GPC6: variants seen among roughly 807,000 people sequenced by gnomAD.
GPC6 encodes glypican-6.
In GPC6, 14 loss-of-function variants were observed where a neutral mutation model predicts 55.2. The observed-to-expected ratio is 0.25, with a 90% CI of 0.17 to 0.40. The LOEUF (loss-of-function observed/expected upper bound fraction) is 0.40, where lower values mean the gene tolerates loss of function less well. Ranked by LOEUF, GPC6 falls within the 10% of genes least tolerant of loss-of-function variation. The pLI is 1.00. For missense variants in GPC6, 641 were observed against 708.5 expected (o/e 0.90, Z 1.08); for synonymous variants, 278 against 259.6 (o/e 1.07, Z -0.68).
chr13:93,786,515 G>A (rs1250459416), intron 2 of GPC6, among the ~76,000 whole-genome samples: 1 of 151,398 alleles, frequency 6.6e-6, no homozygotes, highest in Non-Finnish European at 1.5e-5. Flanking sequence ...CTAATGAAAT[G>A]ACCTAAGCTA....
chr13:93,963,510 G>C (rs1045113950), intron 3 of GPC6, among the ~76,000 whole-genome samples: 1 of 152,142 alleles, frequency 6.6e-6, no homozygotes, highest in Non-Finnish European at 1.5e-5. Context: ...AGATGTTATC[G>C]ATACGTAACA....
Position 94,231,248 on chromosome 13 carries a change from T to C in GPC6, c.878-55101T>C, listed in dbSNP as rs113018725. ...CTCAGGGACCCTTGGGCTGGTGTAG[T>C]CAATCACAAGGGCTATTTGTAGAGA... On this transcript the variant is annotated intron_variant, in intron 4 of 8. Transcript: ENST00000377047. 1.4e-3 allele frequency among the ~76,000 whole-genome samples: 216 copies of C among 152,044 alleles called. 3 individuals carry two copies. Among genetic ancestry groups the C allele is most frequent in the African/African-American group, 4.9e-3 (202 of 41,490 alleles).
chr13:94,285,245 T>C (rs1002320564), intron 4 of GPC6, among the ~76,000 whole-genome samples: 2 of 152,160 alleles, frequency 1.3e-5, no homozygotes, highest in Admixed American at 6.5e-5. Context: ...TTATGTTTAA[T>C]AGTGCTGGGT....
intron 1 of GPC6, among the ~76,000 whole-genome samples, chr13:93,447,657 A>C (rs1878057642): frequency 6.6e-6 from 1 of 152,218 alleles, no homozygotes. Context: ...TAGTTCATAT[A>C]CATGAAATGT....
intron 1 of GPC6, among the ~76,000 whole-genome samples, chr13:93,392,991 G>A (rs1334898043): frequency 6.6e-6 from 1 of 151,624 alleles, no homozygotes; most frequent in Admixed American, 6.6e-5. Flanking sequence ...AAGATTCTTG[G>A]AGTTTAGAAC....
chr13:93,497,144 C>CA (rs1383720094), intron 1 of GPC6, among the ~76,000 whole-genome samples: 3 of 152,254 alleles, frequency 2.0e-5, no homozygotes, highest in African/African-American at 7.2e-5. Flanking sequence ...ATTAAAACAA[C>CA]AAAAATCTAG....
At chr13:93,441,058 T>C (rs1376777468) in intron 1 of GPC6, among the ~76,000 whole-genome samples, 1 of 152,192 alleles carries the variant, frequency 6.6e-6, no homozygotes, top group Non-Finnish European at 1.5e-5. Flanking sequence ...TATTCCATGG[T>C]GTATATGTGC....
intron 4 of GPC6, among the ~76,000 whole-genome samples, chr13:94,181,171 G>A (rs183536882): frequency 6.6e-6 from 1 of 152,260 alleles, no homozygotes; most frequent in African/African-American, 2.4e-5. Context: ...TAGCATGCAG[G>A]GGTGGAGACC....
At chr13:93,277,259 A>G (rs919519579) in intron 1 of GPC6, among the ~76,000 whole-genome samples, 3 of 152,240 alleles carry the variant, frequency 2.0e-5, no homozygotes, top group Admixed American at 6.5e-5. Context: ...TTTACAAGTA[A>G]TTTAGACTGG....
chr13:93,995,349 A>G (rs921156410), intron 3 of GPC6, among the ~76,000 whole-genome samples: 12 of 151,902 alleles, frequency 7.9e-5, no homozygotes, highest in Non-Finnish European at 1.3e-4. Context: ...CACCACACCC[A>G]GGTAATTTTT....
chr13:94,300,644 G>T (rs991194426), intron 5 of GPC6, among the ~76,000 whole-genome samples: 15 of 152,268 alleles, frequency 9.9e-5, no homozygotes, highest in Admixed American at 2.6e-4. Flanking sequence ...GAATTGCTTT[G>T]TACATCTGTA....
intron 1 of GPC6, among the ~76,000 whole-genome samples, chr13:93,305,463 G>T (rs1168193903): frequency 6.6e-6 from 1 of 152,104 alleles, no homozygotes; most frequent in Non-Finnish European, 1.5e-5. Flanking sequence ...TCTCAGAACA[G>T]TTAAGAGATT....
intron 3 of GPC6, among the ~76,000 whole-genome samples, chr13:93,885,368 T>C (rs1384523453): frequency 6.7e-6 from 1 of 149,822 alleles, no homozygotes; most frequent in Non-Finnish European, 1.5e-5. Context: ...GTCTGGAAAC[T>C]GAGCAGTGCA....
chr13:93,524,802 C>A (rs553718938), intron 1 of GPC6, among the ~76,000 whole-genome samples: 1 of 152,146 alleles, frequency 6.6e-6, no homozygotes, highest in South Asian at 2.1e-4. Context: ...AAGCCCATAT[C>A]TTTAATTCTT....
At chr13:93,728,156 G>T (rs1429217914) in intron 2 of GPC6, among the ~76,000 whole-genome samples, 1 of 151,970 alleles carries the variant, frequency 6.6e-6, no homozygotes, top group Middle Eastern at 3.4e-3. Flanking sequence ...ATCCATTTTT[G>T]CAGACTCGCT....
At chr13:93,216,965 A>G in the GPC6 span, among the ~76,000 whole-genome samples, 3 of 152,346 alleles carry the variant, frequency 2.0e-5, no homozygotes, top group Non-Finnish European at 2.9e-5. Flanking sequence ...GCTGCTACCA[A>G]TTGCAATACA....
intron 4 of GPC6, among the ~76,000 whole-genome samples, chr13:94,153,303 A>G (rs968914804): frequency 5.3e-5 from 8 of 152,160 alleles, no homozygotes; most frequent in Admixed American, 1.3e-4. Context: ...GCTTAGCAAA[A>G]TAAAGATCAT....
chr13:93,748,764 T>A (rs1015494995), intron 2 of GPC6, among the ~76,000 whole-genome samples: 1 of 152,106 alleles, frequency 6.6e-6, no homozygotes, highest in African/African-American at 2.4e-5. Flanking sequence ...ATATCTTTAG[T>A]GAATTTTCTA....
At chr13:93,236,892 G>T (rs1876253130) in intron 1 of GPC6, among the ~76,000 whole-genome samples, 1 of 152,104 alleles carries the variant, frequency 6.6e-6, no homozygotes, top group Non-Finnish European at 1.5e-5. Context: ...TACTGCAAAA[G>T]ACATGATTTC....
Sources: allele counts gnomAD v4.1 joint callset (sites outside exome capture counted in the v4.1 genomes callset), GRCh38; gene constraint gnomAD v4.1.1; transcripts MANE v1.5; gene names NCBI Gene and HGNC (gene_info 2026-07-23, HGNC 2026-07-21).